The following EGFLAM variants were observed in gnomAD, a reference collection of about 807,000 sequenced individuals.
EGFLAM encodes the protein pikachurin.
A neutral mutation model predicts 113.1 loss-of-function variants in EGFLAM; 79 were observed. The observed-to-expected ratio is 0.70, with a 90% CI of 0.58 to 0.84. The LOEUF is 0.84. Ranked by LOEUF, EGFLAM falls within the 40% of genes least tolerant of loss-of-function variation. EGFLAM has a pLI of 0.00. For missense variants in EGFLAM, 1,265 were observed against 1,291.6 expected, an observed-to-expected ratio of 0.98 and a Z score of 0.32; for synonymous variants, 504 against 487.6, an observed-to-expected ratio of 1.03 and a Z score of -0.44.
intron 1 of EGFLAM, among the ~76,000 whole-genome samples, chr5:38,297,549 T>C (rs1758476382): frequency 6.6e-6 from 1 of 152,206 alleles, no homozygotes; most frequent in Non-Finnish European, 1.5e-5. Context: ...TTCTGCACTG[T>C]GGATTTTGGA....
intron 1 of EGFLAM, among the ~76,000 whole-genome samples, chr5:38,268,290 T>G (rs534330561): frequency 9.2e-4 from 140 of 152,282 alleles, no homozygotes; most frequent in African/African-American, 3.2e-3. Context: ...CTCAGCTGTC[T>G]TCCTCCAAAG....
At chr5:38,260,998 G>T (rs1757487991) in intron 1 of EGFLAM, among the ~76,000 whole-genome samples, 1 of 152,156 alleles carries the variant, frequency 6.6e-6, no homozygotes, top group South Asian at 2.1e-4. Context: ...ACAGTACTTT[G>T]AAGGTATCGT....
chr5:38,463,744 C>CA, intron 21 of EGFLAM, 88 bp from the exon 22 acceptor site: 1 of 1,529,090 alleles, frequency 6.5e-7, no homozygotes, highest in African/African-American at 1.4e-5. Flanking sequence ...GGCCAGCAGC[C>CA]ATTCAAGTGC....
chr5:38,271,899 C>T (rs1579709263), intron 1 of EGFLAM, among the ~76,000 whole-genome samples: 1 of 152,220 alleles, frequency 6.6e-6, no homozygotes, highest in African/African-American at 2.4e-5. Context: ...GAATGGAAAA[C>T]AATGGCTTCC....
chr5:38,363,673 T>C (rs1006070007), intron 5 of EGFLAM, among the ~76,000 whole-genome samples: 2 of 152,246 alleles, frequency 1.3e-5, no homozygotes, highest in African/African-American at 4.8e-5. Context: ...TTTATTATTT[T>C]GATGATCCTT....
chr5:38,394,733 A>ATTTTT (rs1740912548), intron 6 of EGFLAM, among the ~76,000 whole-genome samples: 2 of 82,674 alleles, frequency 2.4e-5, no homozygotes, highest in African/African-American at 1.3e-4. Context: ...TTTTTTTTTA[A>ATTTTT]CTCTAATGCT....
At chr5:38,309,779 C>T (rs1191235596) in intron 1 of EGFLAM, among the ~76,000 whole-genome samples, 4 of 152,200 alleles carry the variant, frequency 2.6e-5, no homozygotes, top group African/African-American at 7.2e-5. Flanking sequence ...AATTGTCCCT[C>T]TCACTCCGGT....
chr5:38,277,862 A>G (rs2434506), intron 1 of EGFLAM, among the ~76,000 whole-genome samples: 2,226 of 152,290 alleles, frequency 0.015, 57 homozygotes, highest in African/African-American at 0.047. Flanking sequence ...CTGAAAAACT[A>G]TAAAATATTT....
Position 38,403,615 on chromosome 5 carries a change from A to C in EGFLAM, c.713-2511A>C, listed in dbSNP as rs1012410215. The C allele has an allele frequency of 1.0e-5, 6 of 589,510 alleles. No individual in the cohort carries two copies. In the African/African-American group the frequency reaches 1.1e-4, roughly 11 times the overall value. The allele number at this position is 589,510 out of a possible 1,614,324, so 36.5% of individuals were successfully genotyped here. The stretch of plus-strand genomic sequence containing the variant: ...GATATGCCAGACAGAGGGATGATTC[A>C]TATCCCAGGCAGGATGGAGCAGGGC... On this transcript the variant is annotated intron_variant, in intron 6 of 21. Transcript: ENST00000322350.
chr5:38,396,873 A>G (rs780558764), intron 6 of EGFLAM, among the ~76,000 whole-genome samples: 1 of 152,160 alleles, frequency 6.6e-6, no homozygotes, highest in Non-Finnish European at 1.5e-5. Flanking sequence ...CAGGTGCATA[A>G]CACCTTGGTC....
chr5:38,444,823 T>C (rs1561097801), intron 17 of EGFLAM, among the ~76,000 whole-genome samples: 1 of 152,134 alleles, frequency 6.6e-6, no homozygotes, highest in Non-Finnish European at 1.5e-5. Flanking sequence ...CACATGCCTA[T>C]AGTCCCAGCT....
intron 1 of EGFLAM, among the ~76,000 whole-genome samples, chr5:38,269,345 T>C (rs894948356): frequency 2.0e-5 from 3 of 152,182 alleles, no homozygotes; most frequent in Admixed American, 2.0e-4. Flanking sequence ...TGACTAGTCA[T>C]GGTAGAATAT....
chr5:38,406,196 TGAAG>T lies in EGFLAM; in HGVS notation c.786_789del (p.Glu262AspfsTer6). On this transcript the variant is annotated frameshift_variant, in exon 7 of 22. Transcript: ENST00000322350. LOFTEE classifies it high-confidence loss of function. Reference sequence around the variant, plus strand: ...CCGACATGGGAGCTGGTGAGGATGATGAAGGATTTGAAGACGACTTAGATTTGGA... The same window carrying T: ...CCGACATGGGAGCTGGTGAGGATGATGATTTGAAGACGACTTAGATTTGGA... 1 of 1,614,122 alleles carries T rather than the reference TGAAG, an allele frequency of 6.2e-7. No homozygotes were observed. The highest frequency in any genetic ancestry group is 8.5e-7 in the Non-Finnish European group (1 of 1,180,004).
chr5:38,305,846 A>G (rs1008366820), intron 1 of EGFLAM, among the ~76,000 whole-genome samples: 3 of 152,318 alleles, frequency 2.0e-5, no homozygotes, highest in Admixed American at 2.0e-4. Flanking sequence ...CTTGTCCTTC[A>G]CCAAGGCAGT....
intron 1 of EGFLAM, among the ~76,000 whole-genome samples, chr5:38,335,646 A>T (rs1369733630): frequency 1.3e-5 from 2 of 152,168 alleles, no homozygotes; most frequent in Admixed American, 6.5e-5. Context: ...AGTCAGAGAG[A>T]TCATTAAGAA....
intron 6 of EGFLAM, among the ~76,000 whole-genome samples, chr5:38,405,918 C>A (rs1023952931): frequency 6.6e-6 from 1 of 152,166 alleles, no homozygotes. Flanking sequence ...TTTCTGGTTT[C>A]AGTTGGAAAT....
intron 1 of EGFLAM, among the ~76,000 whole-genome samples, chr5:38,322,083 G>A (rs868784823): frequency 6.6e-6 from 1 of 152,122 alleles, no homozygotes; most frequent in Non-Finnish European, 1.5e-5. Flanking sequence ...GCCCTGGTCT[G>A]CCCCAGGCCT....
intron 6 of EGFLAM, among the ~76,000 whole-genome samples, chr5:38,396,687 A>G (rs779029844): frequency 2.0e-5 from 3 of 152,234 alleles, no homozygotes; most frequent in Non-Finnish European, 4.4e-5. Context: ...GTATTGCCAC[A>G]GAAGGTTGCC....
chr5:38,349,336 C>T (rs1739555241), intron 3 of EGFLAM, among the ~76,000 whole-genome samples: 1 of 152,138 alleles, frequency 6.6e-6, no homozygotes, highest in Non-Finnish European at 1.5e-5. Context: ...TTGGAGTAGT[C>T]AGGGAGCCTA....
Sources: allele counts gnomAD v4.1 joint callset (sites outside exome capture counted in the v4.1 genomes callset), GRCh38; gene constraint gnomAD v4.1.1; transcripts MANE v1.5; gene names NCBI Gene and HGNC (gene_info 2026-07-23, HGNC 2026-07-21).